The following TASOR variants were observed in gnomAD, a reference collection of about 807,000 sequenced individuals.
The protein encoded by TASOR is transcription activation suppressor.
Under a neutral mutation model 178.6 loss-of-function variants are expected in TASOR, and 53 were observed. The observed-to-expected ratio is 0.30, with a 90% confidence interval of 0.24 to 0.37. The LOEUF (loss-of-function observed/expected upper bound fraction) is 0.37. Among genes scored for constraint, TASOR ranks in the 10% least tolerant of loss-of-function variants. The pLI is 1.00. For missense variants in TASOR, 1,815 were observed against 1,971.4 expected (o/e 0.92, Z 1.50); for synonymous variants, 713 against 696.2 (o/e 1.02, Z -0.38).
At chr3:56,678,362 T>TAAA (rs2031504136) in intron 1 of TASOR, among the ~76,000 whole-genome samples, 1 of 151,644 alleles carries the variant, frequency 6.6e-6, no homozygotes, top group African/African-American at 2.4e-5. Context: ...TTTGTATTTT[T>TAAA]AATAGAGTCA....
In TASOR at chr3:56,643,975, T is replaced by C. The variant is rs548623994; in HGVS notation, c.2216-2223A>G. Among the ~76,000 whole-genome samples the C allele has an allele frequency of 5.9e-5, 9 of 152,336 alleles. No homozygotes were observed. In the East Asian group the frequency reaches 1.3e-3, roughly 23 times the overall value. On this transcript the variant is annotated intron_variant, in intron 14 of 23. Coordinates refer to ENST00000683822, the MANE Select transcript of TASOR (RefSeq NM_001365635.2). The stretch of plus-strand genomic sequence containing the variant: ...TATGGCTTTCTCATCATTTTAATTA[T>C]TGATGAAGCCTGATTTTTACCCACA...
chr3:56,653,657 A>G (rs915269718), intron 11 of TASOR, among the ~76,000 whole-genome samples: 5 of 151,066 alleles, frequency 3.3e-5, no homozygotes, highest in Non-Finnish European at 4.4e-5. Context: ...ACACAGAAGG[A>G]GCATGTACAA....
rs2076463485 is a variant in TASOR at position 56,621,030 on chromosome 3, G to C, written c.*2007C>G. 6.6e-6 allele frequency: 1 copy of C among 152,214 alleles called. No homozygotes were observed. 9.4% of individuals were successfully genotyped at this position (152,214 alleles called of 1,614,324 possible). On this transcript the variant is annotated 3_prime_UTR_variant, in exon 24 of 24. Coordinates refer to ENST00000683822, the MANE Select transcript of TASOR (RefSeq NM_001365635.2). The stretch of plus-strand genomic sequence containing the variant: ...AGTTAGTTAGTTAGCCAGGCGTGGT[G>C]GTGGGTGCCTGTAGTCCCAGCCATT...
intron 21 of TASOR, among the ~76,000 whole-genome samples, chr3:56,626,161 C>T (rs2076794675): frequency 1.3e-5 from 2 of 152,096 alleles, no homozygotes; most frequent in Admixed American, 1.3e-4. Flanking sequence ...TGTGTAAATA[C>T]ATTTTATAGA....
intron 1 of TASOR, among the ~76,000 whole-genome samples, chr3:56,679,288 T>G: frequency 6.6e-6 from 1 of 152,216 alleles, no homozygotes; most frequent in Non-Finnish European, 1.5e-5. Context: ...GTACTTCATC[T>G]CTACATCAAC....
Position 56,633,899 on chromosome 3 carries a change from C to G in TASOR, c.2892G>C (p.Arg964=), listed in dbSNP as rs777371662. The change falls in exon 18 of 24, where the codon CGG becomes CGC. Residue 964 remains arginine (R), a synonymous_variant. Coordinates refer to ENST00000683822, the MANE Select transcript of TASOR (RefSeq NM_001365635.2). Reference sequence around the variant, plus strand: ...CAGAACTTCTCTGTCTATTTATTACCCGGGGGTCGTTAGGAAAGGCCTCCT... The same window carrying G: ...CAGAACTTCTCTGTCTATTTATTACGCGGGGGTCGTTAGGAAAGGCCTCCT... ...PPQEAFPNDP[R]VINRQRSSDY... 6.3e-7 allele frequency: 1 copy of G among 1,581,890 alleles called. No individual in the cohort carries two copies.
intron 2 of TASOR, 100 bp from the exon 3 acceptor site, chr3:56,671,792 A>G (rs931619746): frequency 2.4e-6 from 2 of 826,664 alleles, no homozygotes; most frequent in African/African-American, 3.4e-5. Context: ...ACCTACCAAA[A>G]TGGAAAAATA....
intron 8 of TASOR, 28 bp from the exon 9 acceptor site, chr3:56,662,518 C>T (rs2077620030): frequency 2.6e-6 from 3 of 1,173,656 alleles, no homozygotes; most frequent in Non-Finnish European, 3.6e-6. Context: ...AATGACACAG[C>T]TTAGTCACTT....
At position 56,624,543 on chromosome 3, in the gene TASOR, G is replaced by A. The variant is rs1259497677; in HGVS notation, c.4419C>T (p.His1473=). The part of the protein sequence containing the change: ...MQNFKNLVGY[H]NSITEENLPQ... Reference sequence around the variant, plus strand: ...GAAGGTTTTCTTCTGTGATTGAATTGTGATAGCCCACAAGATTTTTAAAGT... The same window carrying A: ...GAAGGTTTTCTTCTGTGATTGAATTATGATAGCCCACAAGATTTTTAAAGT... Residue 1473 remains histidine, a synonymous_variant, in exon 23 of 24, where the codon CAC becomes CAT. Transcript: ENST00000683822. 33 of 1,613,980 alleles carry A rather than the reference G, an allele frequency of 2.0e-5. No individual in the cohort carries two copies. The highest frequency in any genetic ancestry group is 2.7e-5 in the African/African-American group (2 of 74,928).
chr3:56,641,526 A>G lies in TASOR; in HGVS notation c.2442T>C (p.Tyr814=). 6.2e-7 allele frequency: 1 copy of G among 1,614,220 alleles called. No homozygotes were observed. The highest frequency in any genetic ancestry group is 1.7e-5 in the Admixed American group (1 of 60,026). ...TCTTATCTGGGGTAGAGTTCAACTC[A>G]TACTCATGTTTTTGCCTCAGCTCTT... The part of the protein sequence containing the change: ...AYEELRQKHE[Y]ELNSTPDKKD... Residue 814 remains tyrosine (Y), a synonymous_variant, in exon 15 of 24, where the codon TAT becomes TAC. Coordinates refer to ENST00000683822, the MANE Select transcript of TASOR (RefSeq NM_001365635.2).
chr3:56,625,515 C>T (rs1464173418), intron 21 of TASOR, among the ~76,000 whole-genome samples: 1 of 152,122 alleles, frequency 6.6e-6, no homozygotes, highest in Non-Finnish European at 1.5e-5. Context: ...GATGAGGTGG[C>T]TCATGCCTGT....
chr3:56,624,355 T>C lies in TASOR; in HGVS notation c.4483+124A>G, dbSNP rs1578178792. ...AGAATGATAAATGTCTTGAAACACT[T>C]TCCCTATGGCTGTTTATACTGAGGT... On this transcript the variant is annotated intron_variant, in intron 23 of 23. Transcript: ENST00000683822. 9.0e-6 allele frequency: 8 copies of C among 889,404 alleles called. 1 individual carries two copies. The Admixed American group carries it at 2.0e-4, about 22-fold the overall frequency. 55.1% of individuals were successfully genotyped at this position (889,404 alleles called of 1,614,324 possible).
chr3:56,669,986 TAAC>T, intron 4 of TASOR, 84 bp downstream of exon 4: 1 of 968,426 alleles, frequency 1.0e-6, no homozygotes, highest in Non-Finnish European at 1.5e-6. Context: ...ATGAATTTAA[TAAC>T]AACTGCAGTG....
At chr3:56,630,778 G>A (rs1366286645) in intron 18 of TASOR, among the ~76,000 whole-genome samples, 1 of 152,144 alleles carries the variant, frequency 6.6e-6, no homozygotes, top group Non-Finnish European at 1.5e-5. Context: ...CCAGAAGGCG[G>A]AGGTTGCAGT....
At chr3:56,630,534 T>C (rs2076887031) in intron 18 of TASOR, among the ~76,000 whole-genome samples, 1 of 152,182 alleles carries the variant, frequency 6.6e-6, no homozygotes, top group Non-Finnish European at 1.5e-5. Flanking sequence ...AGGAAATGCA[T>C]CTCCTATCCC....
Position 56,620,545 on chromosome 3 carries a change from C to T in TASOR, c.*2492G>A, listed in dbSNP as rs529025991. On this transcript the variant is annotated 3_prime_UTR_variant, in exon 24 of 24. Coordinates refer to ENST00000683822, the MANE Select transcript of TASOR (RefSeq NM_001365635.2). Reference sequence around the variant, plus strand: ...TGTTTAAAAGTGCCCTTTTCCATGTCGTCATGTACCAATACCCTCTGCATT... The same window carrying T: ...TGTTTAAAAGTGCCCTTTTCCATGTTGTCATGTACCAATACCCTCTGCATT... 1.3e-5 allele frequency: 2 copies of T among 152,266 alleles called. No individual in the cohort carries two copies. The highest frequency in any genetic ancestry group is 6.5e-5 in the Admixed American group (1 of 15,296). 9.4% of individuals were successfully genotyped at this position (152,266 alleles called of 1,614,324 possible).
At position 56,627,753 on chromosome 3, in the gene TASOR, C is replaced by A; in HGVS notation, c.3871-12G>T. ...ACCAAGCCAGGTATCTGTTTAAATC[C>A]CAAAACAAAAAGAGAAACAGATGGA... is the stretch of plus-strand genomic sequence containing the variant. On this transcript the variant is annotated splice_polypyrimidine_tract_variant and intron_variant, in intron 19 of 23. Transcript: ENST00000683822. 6.2e-7 allele frequency: 1 copy of A among 1,605,270 alleles called. No homozygotes were observed. The highest frequency in any genetic ancestry group is 8.5e-7 in the Non-Finnish European group (1 of 1,177,444).
rs1185838336 is a variant in TASOR, at chr3:56,633,528, A to G, written c.3263T>C (p.Ile1088Thr). Residue 1088 changes from isoleucine to threonine, a missense_variant, in exon 18 of 24, where the codon ATT (isoleucine) becomes ACT (threonine). Transcript: ENST00000683822. ...ACCCTTGGCTGATGCTTTAATAATA[A>G]TAGTATTTAGCTTCTCATGCAAACC... is the stretch of plus-strand genomic sequence containing the variant. The part of the protein sequence containing the change: ...VDGLHEKLNT[I>T]IIKASAKGGN... The G allele has an allele frequency of 1.9e-6, 3 of 1,614,166 alleles. No individual in the cohort carries two copies. Among genetic ancestry groups the G allele is most frequent in the South Asian group, 2.2e-5 (2 of 91,080 alleles).
intron 2 of TASOR, among the ~76,000 whole-genome samples, chr3:56,671,951 T>C (rs1001558567): frequency 2.6e-5 from 4 of 152,190 alleles, no homozygotes; most frequent in African/African-American, 9.6e-5. Context: ...AACTCTCCCA[T>C]AGATTATAAA....
Sources: gnomAD v4.1 joint callset for allele counts (sites outside exome capture counted in the v4.1 genomes callset) on GRCh38, gnomAD v4.1.1 for gene constraint, MANE v1.5 for transcripts, NCBI Gene and HGNC (gene_info 2026-07-23, HGNC 2026-07-21) for gene names.